SLC2A13: variants seen among roughly 807,000 people sequenced by gnomAD.
SLC2A13 encodes proton myo-inositol cotransporter.
A neutral mutation model predicts 64.4 loss-of-function variants in SLC2A13; 32 were observed. The observed-to-expected ratio is 0.50, with a 90% CI of 0.37 to 0.67. SLC2A13 has a LOEUF of 0.67. SLC2A13 is among the 30% of genes least tolerant of loss of function. SLC2A13 has a pLI of 0.00. For missense variants in SLC2A13, 743 were observed against 829.2 expected (o/e 0.90, Z 1.28); for synonymous variants, 338 against 327.1 (o/e 1.03, Z -0.36).
chr12:40,058,775 G>A (rs547425232), intron 1 of SLC2A13, among the ~76,000 whole-genome samples: 27 of 152,228 alleles, frequency 1.8e-4, no homozygotes, highest in African/African-American at 5.3e-4. Flanking sequence ...TAACATTTAC[G>A]AAGGGTGATA....
At chr12:39,936,491 C>A (rs1489655597) in intron 4 of SLC2A13, among the ~76,000 whole-genome samples, 1 of 152,196 alleles carries the variant, frequency 6.6e-6, no homozygotes, top group Non-Finnish European at 1.5e-5. Context: ...AACCCTCTGC[C>A]AGGCCCAGCT....
chr12:39,975,697 G>T (rs1480303226), intron 3 of SLC2A13, among the ~76,000 whole-genome samples: 2 of 152,200 alleles, frequency 1.3e-5, no homozygotes, highest in Non-Finnish European at 2.9e-5. Flanking sequence ...TTATTTATTT[G>T]ATCAGAATAG....
rs1944297777 is a variant in SLC2A13, at chr12:39,879,913, C to T, written c.1035-7952G>A. On this transcript the variant is annotated intron_variant, in intron 4 of 9. Coordinates refer to ENST00000280871, the MANE Select transcript of SLC2A13 (RefSeq NM_052885.4). ...CAAATCTCATGTTGAATTGTAATCC[C>T]AAGGCTGGATGTGAGGCCTGGTGGG... is the stretch of plus-strand genomic sequence containing the variant. Among the ~76,000 whole-genome samples the T allele has an allele frequency of 2.0e-5, 3 of 152,118 alleles. No individual in the cohort carries two copies. The South Asian group carries it at 6.2e-4, about 32-fold the overall frequency.
At chr12:40,043,659 C>A (rs1386744710) in intron 2 of SLC2A13, among the ~76,000 whole-genome samples, 1 of 151,994 alleles carries the variant, frequency 6.6e-6, no homozygotes, top group Non-Finnish European at 1.5e-5. Flanking sequence ...AAAGGGCAAG[C>A]AGCGATAGAA....
chr12:39,786,372 A>ACCATGATTCTGAGGCCTCCCCAG (rs11274591), intron 7 of SLC2A13, among the ~76,000 whole-genome samples: 144,821 of 150,102 alleles, frequency 0.96, 69,872 homozygotes, highest in East Asian at 0.99. Flanking sequence ...TTCATCTCCC[A>ACCATGATTCTGAGGCCTCCCCAG]CCATGATTCT....
At chr12:39,849,896 A>G (rs1943421530) in intron 6 of SLC2A13, among the ~76,000 whole-genome samples, 1 of 152,008 alleles carries the variant, frequency 6.6e-6, no homozygotes, top group Non-Finnish European at 1.5e-5. Context: ...GTTTTTTAAA[A>G]TACTCTTTCA....
chr12:40,071,376 T>C (rs1937948692), intron 1 of SLC2A13, among the ~76,000 whole-genome samples: 1 of 152,180 alleles, frequency 6.6e-6, no homozygotes, highest in Admixed American at 6.6e-5. Flanking sequence ...TTGGGACAAA[T>C]CCCAATTCAT....
chr12:39,879,368 C>T (rs1393054350), intron 4 of SLC2A13, among the ~76,000 whole-genome samples: 3 of 152,194 alleles, frequency 2.0e-5, no homozygotes, highest in African/African-American at 4.8e-5. Flanking sequence ...TTGCACCCTG[C>T]GTCTGGAAAA....
chr12:39,977,751 G>T (rs1440284243), intron 3 of SLC2A13, among the ~76,000 whole-genome samples: 1 of 152,164 alleles, frequency 6.6e-6, no homozygotes, highest in Non-Finnish European at 1.5e-5. Context: ...CCAGAGGCAA[G>T]CATTATTGCT....
chr12:40,100,862 G>T (rs1293132967), intron 1 of SLC2A13, among the ~76,000 whole-genome samples: 1 of 151,282 alleles, frequency 6.6e-6, no homozygotes, highest in Non-Finnish European at 1.5e-5. Flanking sequence ...CTACTCAGGA[G>T]GCTGAGGCAG....
Position 39,759,665 on chromosome 12 carries a change from T to C in SLC2A13, c.*361A>G, listed in dbSNP as rs913189750. On this transcript the variant is annotated 3_prime_UTR_variant, in exon 10 of 10. Coordinates refer to ENST00000280871, the MANE Select transcript of SLC2A13 (RefSeq NM_052885.4). ...ATAAATATATTATACATATGTAATT[T>C]GGCTAGATTAGCACTGACTCTGTTG... 5.2e-6 allele frequency: 1 copy of C among 192,242 alleles called. No homozygotes were observed. The highest frequency in any genetic ancestry group is 1.1e-5 in the Non-Finnish European group (1 of 93,872). 11.9% of individuals were successfully genotyped at this position (192,242 alleles called of 1,614,324 possible).
intron 7 of SLC2A13, among the ~76,000 whole-genome samples, chr12:39,820,131 A>G (rs1942451650): frequency 6.6e-6 from 1 of 151,968 alleles, no homozygotes; most frequent in African/African-American, 2.4e-5. Context: ...CAACAAAAAG[A>G]AAAAAAATGT....
At chr12:39,899,405 A>C (rs564163576) in intron 4 of SLC2A13, among the ~76,000 whole-genome samples, 1 of 151,892 alleles carries the variant, frequency 6.6e-6, no homozygotes, top group Non-Finnish European at 1.5e-5. Context: ...CGGTCTATCA[A>C]TTTTGCTGAT....
At chr12:39,820,717 TTATATA>T (rs11272834) in intron 7 of SLC2A13, among the ~76,000 whole-genome samples, 66 of 132,472 alleles carry the variant, frequency 5.0e-4, no homozygotes, top group South Asian at 1.1e-3. Flanking sequence ...ATTTTTAAAT[TTATATA>T]TATATATATA....
At chr12:39,781,634 C>T (rs573710976) in intron 7 of SLC2A13, among the ~76,000 whole-genome samples, 1 of 152,310 alleles carries the variant, frequency 6.6e-6, no homozygotes, top group African/African-American at 2.4e-5. Flanking sequence ...ATCCCTTATT[C>T]TTGCTATGAA....
intron 3 of SLC2A13, among the ~76,000 whole-genome samples, chr12:39,976,588 G>A (rs573416893): frequency 6.6e-6 from 1 of 151,926 alleles, no homozygotes; most frequent in African/African-American, 2.4e-5. Context: ...AAGACTGGGG[G>A]GGTCTCACTA....
intron 3 of SLC2A13, among the ~76,000 whole-genome samples, chr12:39,988,396 T>G (rs191177489): frequency 8.0e-4 from 121 of 152,036 alleles, no homozygotes; most frequent in African/African-American, 2.8e-3. Context: ...ATAAAGATCT[T>G]TTCATATATC....
intron 1 of SLC2A13, among the ~76,000 whole-genome samples, chr12:40,069,056 G>A (rs569252385): frequency 6.6e-6 from 1 of 151,976 alleles, no homozygotes; most frequent in South Asian, 2.1e-4. Flanking sequence ...TCTCATTTGT[G>A]CTTAGCTAAT....
intron 3 of SLC2A13, among the ~76,000 whole-genome samples, chr12:39,976,044 T>C (rs575985105): frequency 2.0e-5 from 3 of 152,328 alleles, no homozygotes; most frequent in East Asian, 1.9e-4. Context: ...GGAGGCACAA[T>C]TGTCACATGG....
Sources: gnomAD v4.1 joint callset for allele counts (sites outside exome capture counted in the v4.1 genomes callset) on GRCh38, gnomAD v4.1.1 for gene constraint, MANE v1.5 for transcripts, NCBI Gene and HGNC (gene_info 2026-07-23, HGNC 2026-07-21) for gene names.